GRID2: variants seen among roughly 807,000 people sequenced by gnomAD.
GRID2 encodes the protein glutamate ionotropic receptor delta type subunit 2.
Under a neutral mutation model 114.8 loss-of-function variants are expected in GRID2, and 33 were observed. That is an observed-to-expected ratio of 0.29 (90% CI 0.22 to 0.38). The LOEUF (loss-of-function observed/expected upper bound fraction) is 0.38, where lower values mean the gene tolerates loss of function less well. Ranked by LOEUF, GRID2 falls within the 10% of genes least tolerant of loss-of-function variation. The pLI, the probability that GRID2 is intolerant of heterozygous loss-of-function variation, is 1.00. For missense variants in GRID2, 1,184 were observed against 1,257.7 expected, an observed-to-expected ratio of 0.94 and a Z score of 0.89; for synonymous variants, 505 against 449.9, an observed-to-expected ratio of 1.12 and a Z score of -1.55.
intron 4 of GRID2, among the ~76,000 whole-genome samples, chr4:93,141,193 T>C (rs1263924619): frequency 6.6e-6 from 1 of 152,220 alleles, no homozygotes; most frequent in African/African-American, 2.4e-5. Context: ...CTTATCATTA[T>C]ATATTTTAGT....
intron 2 of GRID2, among the ~76,000 whole-genome samples, chr4:92,818,284 G>GAATA (rs1741037357): frequency 6.6e-6 from 1 of 152,076 alleles, no homozygotes; most frequent in South Asian, 2.1e-4. Flanking sequence ...ATGAATGAAT[G>GAATA]AATAATACAG....
At chr4:93,310,838 T>C (rs900806140) in intron 8 of GRID2, among the ~76,000 whole-genome samples, 2 of 152,194 alleles carry the variant, frequency 1.3e-5, no homozygotes, top group Non-Finnish European at 2.9e-5. Context: ...CAGACTGTTG[T>C]CTCTAAATTG....
chr4:92,366,575 T>C (rs1408465112), intron 1 of GRID2, among the ~76,000 whole-genome samples: 2 of 151,986 alleles, frequency 1.3e-5, no homozygotes, highest in Non-Finnish European at 2.9e-5. Context: ...AATGTTGCTG[T>C]TGTCCCAAAA....
intron 13 of GRID2, among the ~76,000 whole-genome samples, chr4:93,609,172 T>TCAC (rs1740666602): frequency 9.2e-6 from 1 of 108,408 alleles, no homozygotes; most frequent in Non-Finnish European, 2.0e-5. Flanking sequence ...TGTTTTTTTC[T>TCAC]TGTAAATTTG....
chr4:92,662,804 T>C (rs1732584568), intron 2 of GRID2, among the ~76,000 whole-genome samples: 1 of 151,048 alleles, frequency 6.6e-6, no homozygotes, highest in Non-Finnish European at 1.5e-5. Flanking sequence ...ATGAACAATA[T>C]TGGAGTTTTC....
chr4:93,772,304 C>G lies in GRID2; in HGVS notation c.2830C>G (p.Leu944Val). 1.2e-6 allele frequency: 2 copies of G among 1,614,100 alleles called. No homozygotes were observed. The highest frequency in any genetic ancestry group is 1.7e-6 in the Non-Finnish European group (2 of 1,179,942). The stretch of plus-strand genomic sequence containing the variant: ...GCAGATCCAGACTCTTAGCCGCACA[C>G]TGTCAGCTAAAGCTGCTTCTGGTTT... ...PEQIQTLSRT[L>V]SAKAASGFTF... The change falls in exon 16 of 16, where the codon CTG becomes GTG. Residue 944 changes from leucine (L) to valine (V), a missense_variant. By Grantham distance (32) the Leu-to-Val change is conservative. Transcript: ENST00000282020.
chr4:92,977,417 G>A (rs1433289069), intron 2 of GRID2, among the ~76,000 whole-genome samples: 5 of 152,136 alleles, frequency 3.3e-5, no homozygotes, highest in African/African-American at 1.2e-4. Flanking sequence ...AAACAGAAGA[G>A]AAATTAATAT....
chr4:92,923,140 A>G (rs1435378246), intron 2 of GRID2, among the ~76,000 whole-genome samples: 3 of 152,228 alleles, frequency 2.0e-5, no homozygotes, highest in East Asian at 1.9e-4. Context: ...ATAGTGTTAT[A>G]TAATCACTAT....
intron 2 of GRID2, among the ~76,000 whole-genome samples, chr4:92,905,404 G>A (rs188132119): frequency 6.7e-6 from 1 of 149,956 alleles, no homozygotes; most frequent in East Asian, 1.9e-4. Context: ...TCATATGATT[G>A]TGAGGATAGA....
intron 1 of GRID2, among the ~76,000 whole-genome samples, chr4:92,437,810 C>G (rs980293900): frequency 2.0e-5 from 3 of 152,192 alleles, no homozygotes; most frequent in African/African-American, 7.2e-5. Context: ...TGCTTCGGCT[C>G]AAGGTAAACC....
chr4:93,492,632 A>G (rs1287759506), intron 12 of GRID2, among the ~76,000 whole-genome samples: 1 of 151,916 alleles, frequency 6.6e-6, no homozygotes, highest in African/African-American at 2.4e-5. Context: ...GTAGGCATAT[A>G]TCCCAACATG....
chr4:93,614,813 G>A (rs1375486325), intron 13 of GRID2, among the ~76,000 whole-genome samples: 2 of 152,068 alleles, frequency 1.3e-5, no homozygotes, highest in African/African-American at 4.8e-5. Flanking sequence ...TTTAAAAGGG[G>A]AACATAAATA....
chr4:92,704,709 C>G (rs887800615), intron 2 of GRID2, among the ~76,000 whole-genome samples: 1 of 146,828 alleles, frequency 6.8e-6, no homozygotes, highest in Admixed American at 6.9e-5. Flanking sequence ...CAATCTCTCT[C>G]TCTCTCTCTC....
At position 92,561,990 on chromosome 4, in the gene GRID2, C is replaced by G. The variant is rs111408719; in HGVS notation, c.89-28141C>G. Among the ~76,000 whole-genome samples the G allele has an allele frequency of 2.5e-4, 38 of 152,284 alleles. 1 individual carries two copies. The highest frequency in any genetic ancestry group is 7.7e-4 in the African/African-American group (32 of 41,560). On this transcript the variant is annotated intron_variant, in intron 1 of 15. Transcript: ENST00000282020. ...GGGAGGATTCCTTAAATAGTGGACT[C>G]TCTTTAATAGGCAAACTCACACCTA...
intron 4 of GRID2, among the ~76,000 whole-genome samples, chr4:93,152,187 G>A (rs1736798684): frequency 1.3e-5 from 2 of 152,078 alleles, no homozygotes. Context: ...TCTTCACAAT[G>A]TAATTTTAAA....
intron 8 of GRID2, among the ~76,000 whole-genome samples, chr4:93,384,453 A>G (rs1459165048): frequency 6.6e-6 from 1 of 152,218 alleles, no homozygotes; most frequent in Non-Finnish European, 1.5e-5. Flanking sequence ...TAAAACACTC[A>G]GCACTTATTA....
At chr4:92,738,773 T>A (rs1207918095) in intron 2 of GRID2, among the ~76,000 whole-genome samples, 2 of 152,124 alleles carry the variant, frequency 1.3e-5, no homozygotes, top group South Asian at 2.1e-4. Context: ...TACCTCAGCC[T>A]CCTCAGTAGC....
At chr4:93,775,174 T>C (rs1181700138), downstream of GRID2, among the ~76,000 whole-genome samples, 3 of 152,022 alleles carry the variant, frequency 2.0e-5, no homozygotes, top group Non-Finnish European at 4.4e-5. Context: ...TTCTCTATTG[T>C]TCTAAAGTTC....
chr4:92,478,741 T>C (rs751225617), intron 1 of GRID2, among the ~76,000 whole-genome samples: 11 of 152,272 alleles, frequency 7.2e-5, no homozygotes, highest in Non-Finnish European at 1.6e-4. Context: ...TTTTTTCCCT[T>C]TATGGTTTTC....
Sources: allele counts gnomAD v4.1 joint callset (sites outside exome capture counted in the v4.1 genomes callset), GRCh38; gene constraint gnomAD v4.1.1; transcripts MANE v1.5; gene names NCBI Gene and HGNC (gene_info 2026-07-23, HGNC 2026-07-21).